Variants in PRKN observed in about 807,000 individuals in gnomAD.
PRKN encodes the protein parkin RBR E3 ubiquitin protein ligase.
In PRKN, 56 loss-of-function variants were observed where a neutral mutation model predicts 59.5. The observed-to-expected ratio is 0.94, with a 90% CI of 0.76 to 1.18. PRKN has a LOEUF of 1.18. Among genes scored for constraint, PRKN ranks in the 50% most tolerant of loss-of-function variants. The pLI is 0.00. For synonymous variants in PRKN, 250 were observed against 222.1 expected (o/e 1.13, Z -1.12); for missense variants, 657 against 596.4 (o/e 1.10, Z -1.06).
intron 9 of PRKN, among the ~76,000 whole-genome samples, chr6:161,492,904 C>A (rs373114221): frequency 1.7e-4 from 26 of 152,108 alleles, no homozygotes; most frequent in African/African-American, 5.6e-4. Flanking sequence ...CATGTTAGAC[C>A]AGCTGACCTC....
chr6:162,181,866 A>T (rs1218309003), intron 4 of PRKN, among the ~76,000 whole-genome samples: 3 of 152,182 alleles, frequency 2.0e-5, no homozygotes, highest in South Asian at 4.1e-4. Flanking sequence ...AGGTTCTGAA[A>T]GGTTAAGGAT....
At chr6:161,603,564 C>T (rs193145672) in intron 7 of PRKN, among the ~76,000 whole-genome samples, 29 of 152,288 alleles carry the variant, frequency 1.9e-4, no homozygotes, top group Admixed American at 1.4e-3. Flanking sequence ...TTTAACACTT[C>T]TATTTTATTC....
chr6:162,386,364 T>G (rs1786810757), intron 2 of PRKN, among the ~76,000 whole-genome samples: 1 of 152,224 alleles, frequency 6.6e-6, no homozygotes, highest in Non-Finnish European at 1.5e-5. Flanking sequence ...TACTAAAAAT[T>G]AAACTCATTT....
At chr6:161,658,059 G>T (rs988324046) in intron 7 of PRKN, among the ~76,000 whole-genome samples, 2 of 132,530 alleles carry the variant, frequency 1.5e-5, no homozygotes, top group Non-Finnish European at 3.4e-5. Context: ...AAAACGGTGT[G>T]CCAGTTGAAA....
intron 1 of PRKN, among the ~76,000 whole-genome samples, chr6:162,615,861 T>TC (rs1782387427): frequency 6.6e-6 from 1 of 152,218 alleles, no homozygotes; most frequent in African/African-American, 2.4e-5. Flanking sequence ...ACTCTTTCAG[T>TC]CACTCATTCA....
At chr6:161,406,090 G>C (rs1037172504) in intron 9 of PRKN, among the ~76,000 whole-genome samples, 9 of 151,570 alleles carry the variant, frequency 5.9e-5, no homozygotes, top group African/African-American at 2.2e-4. Context: ...TTTATGTTTT[G>C]TTCCTTTATA....
intron 1 of PRKN, among the ~76,000 whole-genome samples, chr6:162,523,323 T>C (rs1778148464): frequency 6.6e-6 from 1 of 152,034 alleles, no homozygotes; most frequent in South Asian, 2.1e-4. Context: ...AAAGTCTCAA[T>C]GGAAGCGATG....
At chr6:161,902,556 A>ATTTTT (rs1554245442) in intron 6 of PRKN, among the ~76,000 whole-genome samples, 4 of 118,198 alleles carry the variant, frequency 3.4e-5, no homozygotes, top group South Asian at 2.7e-4. Flanking sequence ...CTATTTATTT[A>ATTTTT]TTTATTTATT....
In PRKN at chr6:162,505,480, G is replaced by A. The variant is rs75002637; in HGVS notation, c.8-62007C>T. ...ACCCCACTCAAGAGCTACTGAATCC[G>A]AAATGCTGGCAGTGGGACGCAGCAA... On this transcript the variant is annotated intron_variant, in intron 1 of 11. Transcript: ENST00000366898. Among the ~76,000 whole-genome samples, 1,498 of 152,220 alleles carry A rather than the reference G, an allele frequency of 9.8e-3. 19 individuals are homozygous for A. Among genetic ancestry groups the A allele is most frequent in the Middle Eastern group, 0.02 (6 of 294 alleles).
At chr6:161,833,076 T>C (rs1216682207) in intron 6 of PRKN, among the ~76,000 whole-genome samples, 1 of 152,148 alleles carries the variant, frequency 6.6e-6, no homozygotes, top group African/African-American at 2.4e-5. Flanking sequence ...TAGTTCACTG[T>C]AGACAATGCA....
intron 1 of PRKN, among the ~76,000 whole-genome samples, chr6:162,539,479 T>G (rs1778840898): frequency 6.6e-6 from 1 of 152,200 alleles, no homozygotes. Context: ...TACAGCTTCT[T>G]TGTCTACAGG....
intron 1 of PRKN, among the ~76,000 whole-genome samples, chr6:162,481,760 G>A (rs985608006): frequency 6.6e-6 from 1 of 151,940 alleles, no homozygotes; most frequent in African/African-American, 2.4e-5. Context: ...TACCTTAAAA[G>A]TCAAAGAACT....
chr6:162,649,179 A>G (rs879827431), intron 1 of PRKN, among the ~76,000 whole-genome samples: 4 of 152,154 alleles, frequency 2.6e-5, no homozygotes, highest in African/African-American at 7.2e-5. Context: ...AATAATCAAC[A>G]AGTATTTATT....
chr6:161,358,788 C>CTTTTTTTTTTTTTTTTTTTTTTTT, intron 11 of PRKN, among the ~76,000 whole-genome samples: 1 of 67,820 alleles, frequency 1.5e-5, no homozygotes, highest in Non-Finnish European at 2.6e-5. Context: ...GCCTTCTGCT[C>CTTTTTTTTTTTTTTTTTTTTTTTT]TTTTTTTTTT....
intron 1 of PRKN, among the ~76,000 whole-genome samples, chr6:162,450,600 T>C (rs892327421): frequency 4.6e-5 from 7 of 152,320 alleles, no homozygotes; most frequent in African/African-American, 9.6e-5. Context: ...TTTATCTCTG[T>C]GGGCTTTCTC....
intron 9 of PRKN, among the ~76,000 whole-genome samples, chr6:161,485,905 A>G (rs557160487): frequency 6.6e-6 from 1 of 152,168 alleles, no homozygotes; most frequent in East Asian, 1.9e-4. Context: ...TCTAATGAGA[A>G]TTTTAAACAT....
At chr6:161,482,545 T>C (rs1487122421) in intron 9 of PRKN, among the ~76,000 whole-genome samples, 1 of 152,226 alleles carries the variant, frequency 6.6e-6, no homozygotes, top group Non-Finnish European at 1.5e-5. Flanking sequence ...TTTAAATACA[T>C]ACTTTCTCTA....
chr6:161,804,174 G>A (rs1418847474), intron 6 of PRKN, among the ~76,000 whole-genome samples: 5 of 152,168 alleles, frequency 3.3e-5, no homozygotes, highest in East Asian at 1.9e-4. Context: ...AATGAAGAGC[G>A]CAGAGTATCC....
At chr6:161,977,937 G>A (rs934380009) in intron 5 of PRKN, among the ~76,000 whole-genome samples, 26 of 152,072 alleles carry the variant, frequency 1.7e-4, no homozygotes, top group East Asian at 3.8e-4. Context: ...AGAGATGAGC[G>A]GACAAATGAC....
Sources: allele counts gnomAD v4.1 joint callset (sites outside exome capture counted in the v4.1 genomes callset), GRCh38; gene constraint gnomAD v4.1.1; transcripts MANE v1.5; gene names NCBI Gene and HGNC (gene_info 2026-07-23, HGNC 2026-07-21).